PLEKHM3: variants seen among roughly 807,000 people sequenced by gnomAD.
PLEKHM3 encodes the protein pleckstrin homology domain-containing family M member 3.
Under a neutral mutation model 81.8 loss-of-function variants are expected in PLEKHM3, and 45 were observed. The ratio of observed to expected loss-of-function variants is 0.55; its 90% CI spans 0.43 to 0.71. The LOEUF is 0.71. PLEKHM3 is among the 30% of genes least tolerant of loss of function. The pLI, the probability that PLEKHM3 is intolerant of heterozygous loss-of-function variation, is 0.00. For synonymous variants in PLEKHM3, 352 were observed against 356.4 expected, an observed-to-expected ratio of 0.99 and a Z score of 0.14; for missense variants, 788 against 924.3, an observed-to-expected ratio of 0.85 and a Z score of 1.91.
At chr2:208,000,433 C>T (rs1692257939) in intron 2 of PLEKHM3, among the ~76,000 whole-genome samples, 1 of 152,208 alleles carries the variant, frequency 6.6e-6, no homozygotes, top group Non-Finnish European at 1.5e-5. Flanking sequence ...TCTCCTTCTT[C>T]TGTCCTTTTA....
At chr2:208,019,447 C>G (rs1336398985) in intron 1 of PLEKHM3, among the ~76,000 whole-genome samples, 3 of 152,180 alleles carry the variant, frequency 2.0e-5, no homozygotes, top group Non-Finnish European at 4.4e-5. Context: ...ACACACACAA[C>G]CTGGCTAAGT....
At chr2:207,848,202 G>T (rs2092394863) in intron 7 of PLEKHM3, among the ~76,000 whole-genome samples, 2 of 152,132 alleles carry the variant, frequency 1.3e-5, no homozygotes, top group Admixed American at 1.3e-4. Context: ...CTTCTCCTCT[G>T]GAGTTTTGTT....
At chr2:207,886,651 AGG>A (rs1223488470) in intron 6 of PLEKHM3, among the ~76,000 whole-genome samples, 1 of 152,226 alleles carries the variant, frequency 6.6e-6, no homozygotes, top group East Asian at 1.9e-4. Flanking sequence ...AGCAGGTGTT[AGG>A]GGTTCCAGTC....
chr2:207,828,553 G>A, intron 7 of PLEKHM3, 57 bp from the exon 8 acceptor site: 1 of 1,554,210 alleles, frequency 6.4e-7, no homozygotes, highest in South Asian at 1.2e-5. Context: ...AGACACAAAT[G>A]GGAAGCCCTG....
chr2:207,910,221 G>A (rs1688768545), intron 5 of PLEKHM3, among the ~76,000 whole-genome samples: 1 of 152,206 alleles, frequency 6.6e-6, no homozygotes. Flanking sequence ...GCACAGCTGG[G>A]CAGGGCATAG....
chr2:208,021,109 G>C (rs942880699), intron 1 of PLEKHM3, among the ~76,000 whole-genome samples: 12 of 152,226 alleles, frequency 7.9e-5, no homozygotes, highest in African/African-American at 2.7e-4. Context: ...CTGTAATAGA[G>C]TATGTCAAGT....
At chr2:207,943,238 G>A (rs1690003210) in intron 4 of PLEKHM3, among the ~76,000 whole-genome samples, 1 of 152,134 alleles carries the variant, frequency 6.6e-6, no homozygotes, top group African/African-American at 2.4e-5. Context: ...TGGATATCCT[G>A]ATTTAATTAT....
intron 4 of PLEKHM3, among the ~76,000 whole-genome samples, chr2:207,943,443 G>A (rs1425514737): frequency 6.6e-6 from 1 of 152,184 alleles, no homozygotes; most frequent in African/African-American, 2.4e-5. Flanking sequence ...GGTAATTGAA[G>A]TATGTTATCT....
At chr2:207,830,220 AC>A (rs1215491752) in intron 7 of PLEKHM3, among the ~76,000 whole-genome samples, 2 of 152,112 alleles carry the variant, frequency 1.3e-5, no homozygotes, top group Non-Finnish European at 2.9e-5. Context: ...TGGCTGTGTG[AC>A]TGCTATGAAC....
intron 2 of PLEKHM3, among the ~76,000 whole-genome samples, chr2:208,000,367 G>A (rs1428951360): frequency 6.6e-6 from 1 of 152,136 alleles, no homozygotes; most frequent in East Asian, 1.9e-4. Flanking sequence ...TGTAGTTCAA[G>A]TTCCATGTCC....
chr2:208,010,103 T>C (rs1252318521), intron 1 of PLEKHM3, among the ~76,000 whole-genome samples: 2 of 152,224 alleles, frequency 1.3e-5, no homozygotes, highest in Non-Finnish European at 2.9e-5. Flanking sequence ...TTCCAATGAC[T>C]TAGAGCTCAA....
chr2:207,926,208 G>A (rs1424466232), intron 5 of PLEKHM3, among the ~76,000 whole-genome samples: 6 of 152,136 alleles, frequency 3.9e-5, no homozygotes, highest in Admixed American at 6.6e-5. Flanking sequence ...CACAGAATGA[G>A]GGAAGTTCTG....
intron 1 of PLEKHM3, among the ~76,000 whole-genome samples, chr2:208,015,892 G>A (rs1343237787): frequency 6.6e-6 from 1 of 152,104 alleles, no homozygotes; most frequent in East Asian, 1.9e-4. Flanking sequence ...GATGATTAAG[G>A]CATATTGAAA....
At chr2:207,849,249 G>A (rs758030456) in intron 7 of PLEKHM3, among the ~76,000 whole-genome samples, 1 of 152,072 alleles carries the variant, frequency 6.6e-6, no homozygotes, top group African/African-American at 2.4e-5. Context: ...CTGGAGAATC[G>A]CTTGAACCCG....
rs1290846600 is a variant in PLEKHM3 at position 207,931,807 on chromosome 2, T to C, written c.1693-688A>G. Reference sequence around the variant, plus strand: ...GGCCGACATGGCGAAACCCCGTCTCTACTAAAAATACAGAAATTAGCCAGG... The same window carrying C: ...GGCCGACATGGCGAAACCCCGTCTCCACTAAAAATACAGAAATTAGCCAGG... On this transcript the variant is annotated intron_variant, in intron 4 of 7. Transcript: ENST00000427836. Among the ~76,000 whole-genome samples, 7 of 152,160 alleles carry C rather than the reference T, an allele frequency of 4.6e-5. No individual in the cohort carries two copies. In the East Asian group the frequency reaches 1.3e-3, roughly 29 times the overall value.
At chr2:207,954,003 C>CT (rs1690423950) in intron 3 of PLEKHM3, among the ~76,000 whole-genome samples, 1 of 152,080 alleles carries the variant, frequency 6.6e-6, no homozygotes, top group South Asian at 2.1e-4. Context: ...GTAACTCCTC[C>CT]TAGACACACT....
At chr2:207,959,689 A>T (rs563330532) in intron 3 of PLEKHM3, among the ~76,000 whole-genome samples, 52 of 152,334 alleles carry the variant, frequency 3.4e-4, no homozygotes, top group African/African-American at 1.2e-3. Flanking sequence ...AAAACCTCCT[A>T]AAAAACCCTG....
At chr2:208,022,478 C>A (rs1409005560) in intron 1 of PLEKHM3, among the ~76,000 whole-genome samples, 2 of 152,102 alleles carry the variant, frequency 1.3e-5, no homozygotes, top group African/African-American at 4.8e-5. Flanking sequence ...GGTAAAGAAT[C>A]CAGTTATAAG....
intron 2 of PLEKHM3, among the ~76,000 whole-genome samples, chr2:207,995,092 C>G (rs1463345255): frequency 6.6e-6 from 1 of 152,114 alleles, no homozygotes; most frequent in Admixed American, 6.5e-5. Flanking sequence ...CCATCAGGGT[C>G]GGTTCACTTC....
Sources: allele counts gnomAD v4.1 joint callset (sites outside exome capture counted in the v4.1 genomes callset), GRCh38; gene constraint gnomAD v4.1.1; transcripts MANE v1.5; gene names NCBI Gene and HGNC (gene_info 2026-07-23, HGNC 2026-07-21).